Variants in LRFN5 observed in about 807,000 individuals in gnomAD.
The protein encoded by LRFN5 is leucine rich repeat and fibronectin type III domain containing 5.
Under a neutral mutation model 45.6 loss-of-function variants are expected in LRFN5, and 24 were observed. The ratio of observed to expected loss-of-function variants is 0.53; its 90% CI spans 0.38 to 0.74. The LOEUF is 0.74. LRFN5 is among the 30% of genes least tolerant of loss of function. The pLI, the probability that LRFN5 is intolerant of heterozygous loss-of-function variation, is 0.00. For missense variants in LRFN5, 776 were observed against 861.5 expected, an observed-to-expected ratio of 0.90 and a Z score of 1.24; for synonymous variants, 340 against 313.8, an observed-to-expected ratio of 1.08 and a Z score of -0.88.
chr14:41,623,864 G>A (rs1888227401), intron 1 of LRFN5, among the ~76,000 whole-genome samples: 1 of 152,030 alleles, frequency 6.6e-6, no homozygotes, highest in South Asian at 2.1e-4. Flanking sequence ...TTTTTGGTCA[G>A]AGTACTCTAA....
intron 1 of LRFN5, among the ~76,000 whole-genome samples, chr14:41,744,708 C>T (rs1236029080): frequency 6.6e-6 from 1 of 152,012 alleles, no homozygotes; most frequent in Non-Finnish European, 1.5e-5. Context: ...AAATATATTT[C>T]ATGTAAATAT....
chr14:41,659,808 A>G (rs1209153775), intron 1 of LRFN5, among the ~76,000 whole-genome samples: 1 of 150,956 alleles, frequency 6.6e-6, no homozygotes, highest in East Asian at 2.0e-4. Flanking sequence ...GCCAATGATG[A>G]TGAGCTTTTT....
In LRFN5 at chr14:41,719,782, A is replaced by G. The variant is rs562805518; in HGVS notation, c.-196-47072A>G. On this transcript the variant is annotated intron_variant, in intron 1 of 5. Transcript: ENST00000298119. ...ATATCTGAACTCACTCTCCATATAT[A>G]TATATATTTCCCTTTGGATATATAC... 5.9e-5 allele frequency among the ~76,000 whole-genome samples: 9 copies of G among 152,010 alleles called. No individual in the cohort carries two copies. In the East Asian group the frequency reaches 1.7e-3, roughly 29 times the overall value.
chr14:41,750,281 A>C (rs201251262), intron 1 of LRFN5, among the ~76,000 whole-genome samples: 3 of 12,010 alleles, frequency 2.5e-4, no homozygotes, highest in African/African-American at 7.5e-4. Flanking sequence ...ATATATATAT[A>C]TATATATATA....
At chr14:41,840,762 A>G (rs1184646455) in intron 2 of LRFN5, among the ~76,000 whole-genome samples, 1 of 152,010 alleles carries the variant, frequency 6.6e-6, no homozygotes, top group African/African-American at 2.4e-5. Context: ...AAATAATTCT[A>G]AACATTGTTC....
intron 2 of LRFN5, among the ~76,000 whole-genome samples, chr14:41,822,713 T>C (rs1888154631): frequency 6.6e-6 from 1 of 151,994 alleles, no homozygotes; most frequent in Non-Finnish European, 1.5e-5. Context: ...TTTTTTGCCT[T>C]GACGGTCTCT....
chr14:41,746,496 G>A (rs55718011), intron 1 of LRFN5, among the ~76,000 whole-genome samples: 25,199 of 151,932 alleles, frequency 0.17, 2,185 homozygotes, highest in Admixed American at 0.19. Context: ...TGCCAGAGCA[G>A]TTAGGCAATA....
chr14:41,789,883 A>G (rs1178453925), intron 2 of LRFN5, among the ~76,000 whole-genome samples: 1 of 145,612 alleles, frequency 6.9e-6, no homozygotes, highest in Non-Finnish European at 1.5e-5. Flanking sequence ...TTCATAAACA[A>G]TTTGCATCCG....
At chr14:41,803,148 A>G (rs1461962400) in intron 2 of LRFN5, among the ~76,000 whole-genome samples, 2 of 152,202 alleles carry the variant, frequency 1.3e-5, no homozygotes, top group Non-Finnish European at 1.5e-5. Flanking sequence ...AAATCAGATA[A>G]GTTAATAAAT....
chr14:41,763,645 C>G (rs564968364), intron 1 of LRFN5, among the ~76,000 whole-genome samples: 1 of 152,218 alleles, frequency 6.6e-6, no homozygotes, highest in African/African-American at 2.4e-5. Context: ...GAATAAGTCT[C>G]ATAAGATGTA....
chr14:41,766,378 A>G (rs1217367726), intron 1 of LRFN5, among the ~76,000 whole-genome samples: 3 of 152,074 alleles, frequency 2.0e-5, no homozygotes, highest in Non-Finnish European at 4.4e-5. Context: ...CAATAGTCAG[A>G]TTTTCTCTGT....
rs1254830868 is a variant in LRFN5 at position 41,743,248 on chromosome 14, C to G, written c.-196-23606C>G. Among the ~76,000 whole-genome samples, 4 of 152,152 alleles carry G rather than the reference C, an allele frequency of 2.6e-5. No homozygotes were observed. The South Asian group carries it at 8.3e-4, about 32-fold the overall frequency. On this transcript the variant is annotated intron_variant, in intron 1 of 5. Coordinates refer to ENST00000298119, the MANE Select transcript of LRFN5 (RefSeq NM_152447.5). The stretch of plus-strand genomic sequence containing the variant: ...ATTCCTGGTCACAGAAAATAGATTT[C>G]TTGCTTGCAAAATCTACATCGCCCT...
intron 1 of LRFN5, among the ~76,000 whole-genome samples, chr14:41,681,824 A>ATTTATTTAT (rs1264983313): frequency 2.6e-4 from 18 of 70,130 alleles, no homozygotes; most frequent in African/African-American, 1.2e-3. Flanking sequence ...TTATTTATTT[A>ATTTATTTAT]TTTTTTTTTT....
In LRFN5 at chr14:41,891,335, G is replaced by C. The variant is rs758729700; in HGVS notation, c.1471G>C (p.Asp491His). Residue 491 changes from aspartate to histidine, a missense_variant, in exon 4 of 6, where the codon GAT (aspartate) becomes CAT (histidine). Transcript: ENST00000298119. ...TGACTTGTGTGTCTTGGCCATATAT[G>C]ATGATGGCATCACTTCCCTCACTGC... The part of the protein sequence containing the change: ...MYDLCVLAIY[D>H]DGITSLTATR... 4.3e-6 allele frequency: 7 copies of C among 1,614,106 alleles called. No homozygotes were observed. The highest frequency in any genetic ancestry group is 5.1e-6 in the Non-Finnish European group (6 of 1,180,020).
intron 2 of LRFN5, among the ~76,000 whole-genome samples, chr14:41,792,325 G>T (rs1363652732): frequency 6.6e-6 from 1 of 152,052 alleles, no homozygotes; most frequent in African/African-American, 2.4e-5. Flanking sequence ...AGCTGTGCAC[G>T]TATTATCTTG....
intron 1 of LRFN5, among the ~76,000 whole-genome samples, chr14:41,646,688 C>T (rs67408045): frequency 0.11 from 17,195 of 152,114 alleles, 1,531 homozygotes; most frequent in East Asian, 0.44. Context: ...ATTTGTAAAA[C>T]ATTTTAGTTC....
At chr14:41,674,889 A>G (rs371442289) in intron 1 of LRFN5, among the ~76,000 whole-genome samples, 4,918 of 138,158 alleles carry the variant, frequency 0.036, 140 homozygotes, top group African/African-American at 0.095. Context: ...TCTCAGACGG[A>G]ACGGCCGGGC....
chr14:41,747,692 G>A (rs1342824206), intron 1 of LRFN5, among the ~76,000 whole-genome samples: 1 of 151,960 alleles, frequency 6.6e-6, no homozygotes, highest in Non-Finnish European at 1.5e-5. Flanking sequence ...ATTTTTTAAA[G>A]TGCATAGAAG....
chr14:41,756,752 C>T (rs1275647640), intron 1 of LRFN5, among the ~76,000 whole-genome samples: 1 of 152,180 alleles, frequency 6.6e-6, no homozygotes, highest in Non-Finnish European at 1.5e-5. Context: ...CTTCTTCTTT[C>T]AACTCGTCAA....
Sources: allele counts gnomAD v4.1 joint callset (sites outside exome capture counted in the v4.1 genomes callset), GRCh38; gene constraint gnomAD v4.1.1; transcripts MANE v1.5; gene names NCBI Gene and HGNC (gene_info 2026-07-23, HGNC 2026-07-21).